Variants in PTPRZ1 observed in about 807,000 individuals in gnomAD.
The protein encoded by PTPRZ1 is receptor-type tyrosine-protein phosphatase zeta.
Under a neutral mutation model 214.1 loss-of-function variants are expected in PTPRZ1, and 82 were observed. That is an observed-to-expected ratio of 0.38 (90% CI 0.32 to 0.46). The LOEUF (loss-of-function observed/expected upper bound fraction) is 0.46, where lower values mean the gene tolerates loss of function less well. PTPRZ1 is among the 20% of genes least tolerant of loss of function. The pLI is 1.00. For synonymous variants in PTPRZ1, 945 were observed against 987.9 expected, an observed-to-expected ratio of 0.96 and a Z score of 0.81; for missense variants, 2,603 against 2,748.7, an observed-to-expected ratio of 0.95 and a Z score of 1.19.
intron 1 of PTPRZ1, among the ~76,000 whole-genome samples, chr7:121,907,733 C>A (rs1206480): frequency 0.55 from 83,981 of 151,530 alleles, 24,180 homozygotes; most frequent in African/African-American, 0.69. Context: ...TTAGCTTTTC[C>A]ATGTATAAGT....
chr7:122,053,770 A>T, intron 25 of PTPRZ1, 140 bp from the exon 26 acceptor site: 1 of 1,034,066 alleles, frequency 9.7e-7, no homozygotes, highest in Non-Finnish European at 1.4e-6. Context: ...CATTGGCTAT[A>T]ATAATCATAT....
intron 2 of PTPRZ1, among the ~76,000 whole-genome samples, chr7:121,964,901 C>A (rs1416782378): frequency 3.3e-5 from 5 of 152,106 alleles, no homozygotes; most frequent in Admixed American, 6.6e-5. Flanking sequence ...GCCAGTGTGG[C>A]TGGAGCAGAG....
Position 121,926,992 on chromosome 7 carries a change from C to A in PTPRZ1, c.59-1164C>A, listed in dbSNP as rs182979483. ...GTGTGCATTTCTGATAGCTGGCCTG[C>A]CTTTTAGTTTTTATAAAATAGTAAC... is the stretch of plus-strand genomic sequence containing the variant. On this transcript the variant is annotated intron_variant, in intron 1 of 29. Transcript: ENST00000393386. Among the ~76,000 whole-genome samples the A allele has an allele frequency of 7.7e-3, 1,170 of 152,036 alleles. 15 individuals carry two copies. The highest frequency in any genetic ancestry group is 0.011 in the Non-Finnish European group (742 of 67,988).
chr7:121,948,882 T>C (rs1473422911), intron 2 of PTPRZ1, among the ~76,000 whole-genome samples: 3 of 151,996 alleles, frequency 2.0e-5, no homozygotes, highest in Admixed American at 2.0e-4. Flanking sequence ...TCAGAACCCA[T>C]GCATTCTGAA....
At chr7:121,996,864 C>A (rs911937056) in intron 9 of PTPRZ1, among the ~76,000 whole-genome samples, 11 of 152,054 alleles carry the variant, frequency 7.2e-5, no homozygotes, top group Non-Finnish European at 1.6e-4. Context: ...CTTAAGATTT[C>A]AGTTGTAGAA....
At chr7:121,948,352 A>G (rs1796450063) in intron 2 of PTPRZ1, among the ~76,000 whole-genome samples, 1 of 152,190 alleles carries the variant, frequency 6.6e-6, no homozygotes, top group Non-Finnish European at 1.5e-5. Context: ...ATGGTGGCTC[A>G]TGCCTGTTAT....
chr7:121,970,136 A>AT (rs955370644), intron 3 of PTPRZ1, among the ~76,000 whole-genome samples: 1 of 151,898 alleles, frequency 6.6e-6, no homozygotes, highest in Admixed American at 6.6e-5. Flanking sequence ...TGAACTCATC[A>AT]TTTTTTATGG....
At chr7:121,983,547 C>T in intron 6 of PTPRZ1, 118 bp from the exon 7 acceptor site, 1 of 1,033,984 alleles carries the variant, frequency 9.7e-7, no homozygotes, top group Non-Finnish European at 1.4e-6. Flanking sequence ...TAAAATGTTT[C>T]AAAATCTCAG....
At chr7:122,049,499 G>T (rs1415047795) in intron 23 of PTPRZ1, among the ~76,000 whole-genome samples, 1 of 151,944 alleles carries the variant, frequency 6.6e-6, no homozygotes, top group South Asian at 2.1e-4. Context: ...AGCTTTGAGT[G>T]ATTAGAAAAT....
rs567832444 is a variant in PTPRZ1 at position 122,035,648 on chromosome 7, C to T, written c.5285-952C>T. 2.8e-4 allele frequency among the ~76,000 whole-genome samples: 42 copies of T among 152,300 alleles called. 3 individuals are homozygous for T. In the South Asian group the frequency reaches 8.7e-3, roughly 32 times the overall value. ...AAAATAGGTCACCCTGACATTGAGACCCATCTGTCAGTTGCCATACTTCCA... is the reference window on the plus strand; with the variant it reads ...AAAATAGGTCACCCTGACATTGAGATCCATCTGTCAGTTGCCATACTTCCA... On this transcript the variant is annotated intron_variant, in intron 17 of 29. Transcript: ENST00000393386.
In PTPRZ1 at chr7:122,031,565, A is replaced by T. The variant is rs762550928; in HGVS notation, c.5166+6A>T. On this transcript the variant is annotated splice_donor_region_variant and intron_variant, in intron 15 of 29. Transcript: ENST00000393386. ...GGTTTACTGAAGAATTTGAGGTATG[A>T]TTTTAATATGTCTATTTTAAATAAT... 1 of 1,570,552 alleles carries T rather than the reference A, an allele frequency of 6.4e-7. No homozygotes were observed. Among genetic ancestry groups the T allele is most frequent in the Non-Finnish European group, 8.7e-7 (1 of 1,144,750 alleles).
chr7:121,964,949 G>A (rs1188801572), intron 2 of PTPRZ1, among the ~76,000 whole-genome samples: 1 of 152,158 alleles, frequency 6.6e-6, no homozygotes, highest in Non-Finnish European at 1.5e-5. Flanking sequence ...GAGCAGAGAG[G>A]ACATGAGCGG....
At chr7:122,051,594 T>G in intron 24 of PTPRZ1, 73 bp downstream of exon 24, 1 of 1,288,204 alleles carries the variant, frequency 7.8e-7, no homozygotes, top group Non-Finnish European at 1.1e-6. Flanking sequence ...TTGGCAATAT[T>G]TGTATACCTT....
chr7:121,882,423 G>C (rs1794270247), intron 1 of PTPRZ1, among the ~76,000 whole-genome samples: 1 of 152,154 alleles, frequency 6.6e-6, no homozygotes, highest in Admixed American at 6.6e-5. Context: ...AGCTTCAGGG[G>C]TCACCATGGG....
At chr7:121,982,622 T>C (rs1797645028) in intron 6 of PTPRZ1, among the ~76,000 whole-genome samples, 1 of 152,230 alleles carries the variant, frequency 6.6e-6, no homozygotes, top group African/African-American at 2.4e-5. Context: ...TATTTGATAA[T>C]GTTTTCCTAT....
intron 1 of PTPRZ1, among the ~76,000 whole-genome samples, chr7:121,911,405 A>T (rs1185826841): frequency 6.6e-6 from 1 of 152,120 alleles, no homozygotes; most frequent in Non-Finnish European, 1.5e-5. Context: ...TTGCACTGTA[A>T]CTGGCCATTT....
At chr7:121,989,970 CAT>C (rs745424564) in intron 8 of PTPRZ1, among the ~76,000 whole-genome samples, 5 of 152,074 alleles carry the variant, frequency 3.3e-5, no homozygotes, top group African/African-American at 9.7e-5. Flanking sequence ...GAGTATACCA[CAT>C]GTCTGTTTAC....
intron 9 of PTPRZ1, among the ~76,000 whole-genome samples, 177 bp from the exon 10 acceptor site, chr7:121,997,703 A>G (rs1373222506): frequency 1.3e-5 from 2 of 151,402 alleles, no homozygotes; most frequent in African/African-American, 2.4e-5. Context: ...CCAGTTCTTC[A>G]TAATTCACAA....
intron 13 of PTPRZ1, among the ~76,000 whole-genome samples, chr7:122,023,003 A>G (rs1273715598): frequency 2.0e-5 from 3 of 152,174 alleles, no homozygotes; most frequent in African/African-American, 7.2e-5. Context: ...TGCTAGGACA[A>G]TTGAATATTC....
Sources: gnomAD v4.1 joint callset for allele counts (sites outside exome capture counted in the v4.1 genomes callset) on GRCh38, gnomAD v4.1.1 for gene constraint, MANE v1.5 for transcripts, NCBI Gene and HGNC (gene_info 2026-07-23, HGNC 2026-07-21) for gene names.